SUZ12: variants seen among roughly 807,000 people sequenced by gnomAD.
The protein encoded by SUZ12 is polycomb protein SUZ12.
SUZ12 carries 17 observed loss-of-function variants against 87.3 expected under a neutral mutation model. The observed-to-expected ratio is 0.19, with a 90% CI of 0.13 to 0.29. The LOEUF is 0.29. SUZ12 is among the 10% of genes least tolerant of loss of function. The pLI, the probability that SUZ12 is intolerant of heterozygous loss-of-function variation, is 1.00. For synonymous variants in SUZ12, 253 were observed against 312.4 expected (o/e 0.81, Z 2.01); for missense variants, 526 against 912.2 (o/e 0.58, Z 5.45).
chr17:31,990,121 ATTTTTTTTTT>A (rs59793925), intron 10 of SUZ12, among the ~76,000 whole-genome samples: 15 of 99,840 alleles, frequency 1.5e-4, no homozygotes, highest in Admixed American at 4.5e-4. Flanking sequence ...TGCCCGGCTA[ATTTTTTTTTT>A]TTTTTTTTTT....
At chr17:31,966,310 T>C (rs1908084391) in intron 5 of SUZ12, 114 bp downstream of exon 5, 2 of 928,444 alleles carry the variant, frequency 2.2e-6, no homozygotes, top group Non-Finnish European at 3.3e-6. Context: ...ATGGAAAATA[T>C]GTTGGTTCTG....
Position 31,988,494 on chromosome 17 carries a change from A to T in SUZ12, c.1198A>T (p.Ile400Phe), listed in dbSNP as rs774753677. The change falls in exon 10 of 16, where the codon ATT (isoleucine) becomes TTT (phenylalanine). Residue 400 changes from isoleucine (I) to phenylalanine (F), a missense_variant. Physicochemically the swap from Ile to Phe is conservative, Grantham distance 21. Around this residue, in one of 9 missense-constraint regions of SUZ12, gnomAD observed 85 missense variants for 87.4 expected, o/e 0.97. Coordinates refer to ENST00000322652, the MANE Select transcript of SUZ12 (RefSeq NM_015355.4). ...TGGTTCAGTTAAACCTACTCAAACT[A>T]TTGGTAAGAAAACATTGCAATCAAA... ...KPGSVKPTQT[I>F]AVKESLTTDL... The T allele has an allele frequency of 6.3e-7, 1 of 1,593,958 alleles. No homozygotes were observed. Among genetic ancestry groups the T allele is most frequent in the Non-Finnish European group, 8.5e-7 (1 of 1,174,660 alleles).
intron 3 of SUZ12, among the ~76,000 whole-genome samples, chr17:31,941,095 A>G (rs1368364985): frequency 6.6e-6 from 1 of 150,888 alleles, no homozygotes; most frequent in Non-Finnish European, 1.5e-5. Context: ...GCCATGGGTT[A>G]TTTCTCTTTT....
intron 4 of SUZ12, among the ~76,000 whole-genome samples, chr17:31,953,179 C>T (rs1297311805): frequency 2.0e-5 from 3 of 152,044 alleles, no homozygotes; most frequent in African/African-American, 7.2e-5. Context: ...GATCTTGGCT[C>T]ACTGCAACCT....
chr17:31,995,424 T>G (rs1376903412), intron 13 of SUZ12, 140 bp from the exon 14 acceptor site: 6 of 614,544 alleles, frequency 9.8e-6, no homozygotes, highest in Non-Finnish European at 1.7e-5. Flanking sequence ...CTAGTGGGGG[T>G]GTGCCTCTAA....
intron 4 of SUZ12, among the ~76,000 whole-genome samples, chr17:31,949,865 T>A (rs1906857703): frequency 6.6e-6 from 1 of 151,768 alleles, no homozygotes; most frequent in African/African-American, 2.4e-5. Context: ...GTATTTTTAG[T>A]AGAAACAGAG....
chr17:31,947,613 C>T lies in SUZ12; in HGVS notation c.387-4C>T, dbSNP rs1440261892. 1 of 1,597,342 alleles carries T rather than the reference C, an allele frequency of 6.3e-7. No homozygotes were observed. Among genetic ancestry groups the T allele is most frequent in the South Asian group, 1.1e-5 (1 of 88,886 alleles). On this transcript the variant is annotated splice_region_variant and splice_polypyrimidine_tract_variant and intron_variant, in intron 3 of 15. Transcript: ENST00000322652. ...TGATTATTTTGTTTATCTGTTTCTT[C>T]CAGGAAAACATTTAAAGTTGATGAT...
At chr17:31,977,635 A>G (rs1908838927) in intron 8 of SUZ12, among the ~76,000 whole-genome samples, 1 of 152,088 alleles carries the variant, frequency 6.6e-6, no homozygotes, top group Non-Finnish European at 1.5e-5. Context: ...TCACGCCTGT[A>G]ATCCCAGCTC....
intron 4 of SUZ12, among the ~76,000 whole-genome samples, chr17:31,958,349 T>C (rs1023084661): frequency 6.6e-6 from 1 of 152,214 alleles, no homozygotes; most frequent in African/African-American, 2.4e-5. Context: ...TAAATTATTT[T>C]TAAGAGAACT....
chr17:31,958,177 C>G (rs1168554936), intron 4 of SUZ12, among the ~76,000 whole-genome samples: 7 of 151,916 alleles, frequency 4.6e-5, no homozygotes, highest in African/African-American at 1.7e-4. Flanking sequence ...GCCGGGATTG[C>G]AGGCGTGAGC....
intron 15 of SUZ12, 38 bp from the exon 16 acceptor site, chr17:31,998,620 C>A: frequency 6.9e-7 from 1 of 1,442,928 alleles, no homozygotes; most frequent in Non-Finnish European, 9.2e-7. Context: ...GACAAAAATG[C>A]TTTGTATTGC....
At chr17:31,971,872 TAGG>T (rs1447582689) in intron 5 of SUZ12, among the ~76,000 whole-genome samples, 1 of 152,170 alleles carries the variant, frequency 6.6e-6, no homozygotes, top group East Asian at 1.9e-4. Context: ...CTCAGCTACT[TAGG>T]AGGCTTAAAA....
Position 31,979,393 on chromosome 17 carries a change from C to A in SUZ12, c.917+2779C>A, listed in dbSNP as rs181122049. Reference sequence around the variant, plus strand: ...TTAAAATACAAATACAATACTATCTCCCCAGTTGACCTCAATAATGTCCTT... The same window carrying A: ...TTAAAATACAAATACAATACTATCTACCCAGTTGACCTCAATAATGTCCTT... On this transcript the variant is annotated intron_variant, in intron 8 of 15. Coordinates refer to ENST00000322652, the MANE Select transcript of SUZ12 (RefSeq NM_015355.4). 3.3e-5 allele frequency among the ~76,000 whole-genome samples: 5 copies of A among 152,282 alleles called. No individual in the cohort carries two copies. The East Asian group carries it at 9.6e-4, about 29-fold the overall frequency.
rs1598184372 is a variant in SUZ12, at chr17:31,988,309, T to C, written c.1024-11T>C. ...TGAGTCTCCAGTCTTTGCATGTTTTTTATTTTTTAGAGGCTGCCTCCATTC... is the reference window on the plus strand; with the variant it reads ...TGAGTCTCCAGTCTTTGCATGTTTTCTATTTTTTAGAGGCTGCCTCCATTC... On this transcript the variant is annotated splice_polypyrimidine_tract_variant and intron_variant, in intron 9 of 15. Coordinates refer to ENST00000322652, the MANE Select transcript of SUZ12 (RefSeq NM_015355.4). 1 of 1,533,190 alleles carries C rather than the reference T, an allele frequency of 6.5e-7. No homozygotes were observed. The highest frequency in any genetic ancestry group is 8.7e-7 in the Non-Finnish European group (1 of 1,145,432). 95.0% of individuals were successfully genotyped at this position (1,533,190 alleles called of 1,614,324 possible). A position where few individuals can be genotyped will look rare whatever the true frequency, so the allele number is the denominator to read the frequency against.
At chr17:31,992,924 C>T (rs1289666717) in intron 10 of SUZ12, among the ~76,000 whole-genome samples, 1 of 151,846 alleles carries the variant, frequency 6.6e-6, no homozygotes, top group Non-Finnish European at 1.5e-5. Context: ...GCAGGCTGGT[C>T]TCTAACTCCT....
intron 9 of SUZ12, among the ~76,000 whole-genome samples, chr17:31,987,776 C>T (rs1055272065): frequency 3.3e-5 from 5 of 151,968 alleles, no homozygotes; most frequent in Non-Finnish European, 7.4e-5. Flanking sequence ...ACTAAAAACA[C>T]ACACACAAAA....
At chr17:31,997,635 C>CA (rs1395751544) in intron 15 of SUZ12, among the ~76,000 whole-genome samples, 1 of 143,944 alleles carries the variant, frequency 6.9e-6, no homozygotes, top group Non-Finnish European at 1.5e-5. Flanking sequence ...CACTGCACTC[C>CA]AGCCTGGGCA....
At chr17:31,986,147 G>T (rs1909406438) in intron 9 of SUZ12, among the ~76,000 whole-genome samples, 1 of 152,040 alleles carries the variant, frequency 6.6e-6, no homozygotes, top group Admixed American at 6.6e-5. Context: ...TCACCATGTT[G>T]TCTTGGCTGG....
chr17:31,970,990 A>G (rs1908396040), intron 5 of SUZ12, among the ~76,000 whole-genome samples: 1 of 152,180 alleles, frequency 6.6e-6, no homozygotes, highest in African/African-American at 2.4e-5. Flanking sequence ...GTTATGGAGG[A>G]CTACTCTAGA....
Sources: allele counts gnomAD v4.1 joint callset (sites outside exome capture counted in the v4.1 genomes callset), GRCh38; gene constraint gnomAD v4.1.1; regional missense constraint gnomAD v4.1.1; transcripts MANE v1.5; gene names NCBI Gene and HGNC (gene_info 2026-07-23, HGNC 2026-07-21).